RNF34: variants seen among roughly 807,000 people sequenced by gnomAD.
RNF34 encodes the protein E3 ubiquitin-protein ligase RNF34.
A neutral mutation model predicts 37.9 loss-of-function variants in RNF34; 12 were observed. The ratio of observed to expected loss-of-function variants is 0.32; its 90% CI spans 0.20 to 0.51. The LOEUF (loss-of-function observed/expected upper bound fraction) is 0.51. Ranked by LOEUF, RNF34 falls within the 20% of genes least tolerant of loss-of-function variation. RNF34 has a pLI of 0.97. For synonymous variants in RNF34, 155 were observed against 177.2 expected (o/e 0.87, Z 1.00); for missense variants, 362 against 472.7 (o/e 0.77, Z 2.17).
intron 3 of RNF34, 82 bp from the exon 4 acceptor site, chr12:121,420,160 G>A (rs905920167): frequency 8.0e-7 from 1 of 1,246,586 alleles, no homozygotes; most frequent in Non-Finnish European, 1.2e-6. Context: ...TGGTCATCAT[G>A]GGGAGCATCA....
intron 1 of RNF34, among the ~76,000 whole-genome samples, chr12:121,411,033 CAA>C: frequency 6.6e-6 from 1 of 152,266 alleles, no homozygotes; most frequent in East Asian, 1.9e-4. Context: ...CTCCCAGGCT[CAA>C]GAGATCCTTT....
At chr12:121,412,992 T>G (rs938678186) in intron 1 of RNF34, among the ~76,000 whole-genome samples, 4 of 151,842 alleles carry the variant, frequency 2.6e-5, no homozygotes, top group Non-Finnish European at 5.9e-5. Flanking sequence ...GTGCTGGGAT[T>G]ACAGGCATGA....
intron 1 of RNF34, among the ~76,000 whole-genome samples, chr12:121,404,504 A>G (rs1360105992): frequency 1.4e-5 from 2 of 140,216 alleles, no homozygotes; most frequent in Middle Eastern, 4.1e-3. Flanking sequence ...CTCCTGCCTC[A>G]GCCTCCTGTG....
chr12:121,408,623 G>A (rs1870770329), intron 1 of RNF34, among the ~76,000 whole-genome samples: 1 of 152,098 alleles, frequency 6.6e-6, no homozygotes, highest in Non-Finnish European at 1.5e-5. Context: ...TTATGAGAAA[G>A]TACAGGAAGA....
chr12:121,416,362 A>C lies in RNF34; in HGVS notation c.210A>C (p.Ser70=), dbSNP rs781790379. 2 of 1,612,074 alleles carry C rather than the reference A, an allele frequency of 1.2e-6. No individual in the cohort carries two copies. The highest frequency in any genetic ancestry group is 2.2e-5 in the East Asian group (1 of 44,884). ...GTAAAGCCTGTGGGCTTTCATTTTC[A>C]GTCTTTAGAAAGAAGGTGAGTTGGA... ...IVCKACGLSF[S]VFRKKHVCCD... Residue 70 remains serine (S), a synonymous_variant, in exon 2 of 6, where the codon TCA becomes TCC. Coordinates refer to ENST00000361234, the MANE Select transcript of RNF34 (RefSeq NM_025126.4).
intron 4 of RNF34, 110 bp downstream of exon 4, chr12:121,420,444 T>G: frequency 1.9e-6 from 3 of 1,553,072 alleles, no homozygotes; most frequent in Non-Finnish European, 2.6e-6. Flanking sequence ...CTGGTTTGAA[T>G]GTAGGACAGT....
Position 121,423,546 on chromosome 12 carries a change from G to A in RNF34, c.1089G>A (p.Val363=). ...AGTGTCCCATCTGCCGGCAGTATGT[G>A]GTGCGAGCCGTGCACGTGTTCAAGT... ...MSECPICRQY[V]VRAVHVFKS Residue 363 remains valine, a synonymous_variant, in exon 6 of 6, where the codon GTG becomes GTA. Coordinates refer to ENST00000361234, the MANE Select transcript of RNF34 (RefSeq NM_025126.4). This position sits in a 1 kb window ranked among gnomAD's most constrained non-coding sequence, Gnocchi z 4.3. 1 of 1,614,164 alleles carries A rather than the reference G, an allele frequency of 6.2e-7. No homozygotes were observed. Among genetic ancestry groups the A allele is most frequent in the Non-Finnish European group, 8.5e-7 (1 of 1,180,018 alleles).
rs558330013 is a variant in RNF34 at position 121,405,680 on chromosome 12, CA to C, written c.6+5463del. ...TGTATTTTTAGTAGAGACGGGGTTT[CA>C]CCATGTTGACCAGGCTGGTCTGGAA... On this transcript the variant is annotated intron_variant, in intron 1 of 5. Coordinates refer to ENST00000361234, the MANE Select transcript of RNF34 (RefSeq NM_025126.4). Among the ~76,000 whole-genome samples, 6 of 152,282 alleles carry C rather than the reference CA, an allele frequency of 3.9e-5. No individual in the cohort carries two copies. In the East Asian group the frequency reaches 1.2e-3, roughly 29 times the overall value.
At chr12:121,402,767 G>A (rs1555280177) in intron 1 of RNF34, 2 of 1,607,964 alleles carry the variant, frequency 1.2e-6, no homozygotes, top group Non-Finnish European at 1.7e-6. Context: ...TAAGGATCAA[G>A]TATACTGTTA....
chr12:121,412,227 A>C (rs1871136219), intron 1 of RNF34, among the ~76,000 whole-genome samples: 2 of 131,612 alleles, frequency 1.5e-5, no homozygotes, highest in Admixed American at 1.6e-4. Flanking sequence ...ATGCCCAACT[A>C]ATCTTTTTTT....
chr12:121,416,399 A>G (rs782455220), intron 2 of RNF34, 22 bp downstream of exon 2: 4 of 1,456,312 alleles, frequency 2.7e-6, no homozygotes, highest in South Asian at 1.1e-5. Flanking sequence ...GAAATGTTAC[A>G]TAACAACACA....
chr12:121,415,089 T>TC (rs140143041), intron 1 of RNF34, among the ~76,000 whole-genome samples: 51,996 of 151,364 alleles, frequency 0.34, 9,565 homozygotes, highest in East Asian at 0.44. Context: ...AGAGTGAAGT[T>TC]CCATCTCAAG....
At chr12:121,402,901 T>G in intron 1 of RNF34, 2 of 921,488 alleles carry the variant, frequency 2.2e-6, no homozygotes, top group South Asian at 2.8e-5. Flanking sequence ...GTTCATCATC[T>G]GTTTTTGCAA....
Position 121,420,729 on chromosome 12 carries a change from A to G in RNF34, c.879A>G (p.Val293=). Residue 293 remains valine, a synonymous_variant, in exon 5 of 6, where the codon GTA becomes GTG. Coordinates refer to ENST00000361234, the MANE Select transcript of RNF34 (RefSeq NM_025126.4). The part of the protein sequence containing the change: ...YSGCCEKWEL[V]EKVNRLYKEN... ...GCTGTTGTGAAAAATGGGAACTGGT[A>G]GAGAAAGTAAACCGGTTATACAAAG... 1 of 1,614,162 alleles carries G rather than the reference A, an allele frequency of 6.2e-7. No individual in the cohort carries two copies.
intron 1 of RNF34, among the ~76,000 whole-genome samples, chr12:121,412,356 T>C (rs897685562): frequency 9.4e-5 from 14 of 148,860 alleles, no homozygotes; most frequent in African/African-American, 3.4e-4. Flanking sequence ...TCTCCCACCT[T>C]AGCCTCCCGA....
chr12:121,422,872 A>C (rs1158324079), intron 5 of RNF34, among the ~76,000 whole-genome samples: 1 of 152,132 alleles, frequency 6.6e-6, no homozygotes, highest in African/African-American at 2.4e-5. Context: ...GATGATTCTA[A>C]GGCTAGGGAG....
chr12:121,420,497 A>C, intron 4 of RNF34, 80 bp from the exon 5 acceptor site: 1 of 1,573,572 alleles, frequency 6.4e-7, no homozygotes, highest in Non-Finnish European at 8.7e-7. Context: ...CTGGGAGAAT[A>C]TTCAGGGCCA....
chr12:121,412,010 A>G (rs551113250), intron 1 of RNF34, among the ~76,000 whole-genome samples: 3 of 152,328 alleles, frequency 2.0e-5, no homozygotes, highest in South Asian at 4.1e-4. Context: ...TTAAGAGTGC[A>G]TACTCTAAAG....
In RNF34 at chr12:121,417,854, G is replaced by A. The variant is rs782733770; in HGVS notation, c.576G>A (p.Ser192=). The A allele has an allele frequency of 1.3e-5, 21 of 1,614,092 alleles. No individual in the cohort carries two copies. Among genetic ancestry groups the A allele is most frequent in the South Asian group, 3.3e-5 (3 of 91,080 alleles). ...NYTAPSATMS[S]FQGELMDGDQ... The stretch of plus-strand genomic sequence containing the variant: ...CAGCCCCCTCTGCTACTATGTCTTC[G>A]TTTCAGGGAGAGCTTATGGATGGAG... The change falls in exon 3 of 6, where the codon TCG becomes TCA. Residue 192 remains serine (S), a synonymous_variant. Coordinates refer to ENST00000361234, the MANE Select transcript of RNF34 (RefSeq NM_025126.4). The surrounding 1 kb of genome is among the most constrained non-coding windows in gnomAD (Gnocchi z 5.0).
Sources: allele counts gnomAD v4.1 joint callset (sites outside exome capture counted in the v4.1 genomes callset), GRCh38; gene constraint gnomAD v4.1.1; non-coding constraint Gnocchi (gnomAD v3.1); transcripts MANE v1.5; gene names NCBI Gene and HGNC (gene_info 2026-07-23, HGNC 2026-07-21).